The following DYRK1A variants were observed in gnomAD, a reference collection of about 807,000 sequenced individuals.
The protein encoded by DYRK1A is dual specificity tyrosine-phosphorylation-regulated kinase 1A.
DYRK1A carries 9 observed loss-of-function variants against 79.7 expected under a neutral mutation model. The observed-to-expected ratio is 0.11, with a 90% confidence interval of 0.07 to 0.20. The LOEUF (loss-of-function observed/expected upper bound fraction) is 0.20, where lower values mean the gene tolerates loss of function less well. Ranked by LOEUF, DYRK1A falls within the 10% of genes least tolerant of loss-of-function variation. DYRK1A has a pLI of 1.00. For synonymous variants in DYRK1A, 349 were observed against 329.7 expected, an observed-to-expected ratio of 1.06 and a Z score of -0.63; for missense variants, 622 against 956.0, an observed-to-expected ratio of 0.65 and a Z score of 4.61.
At chr21:37,481,343 T>C (rs1340899968) in intron 5 of DYRK1A, 1 of 152,208 alleles carries the variant, frequency 6.6e-6, no homozygotes, top group Non-Finnish European at 1.5e-5. Context: ...TAGTCTCTTG[T>C]ATCAGTCGCA....
chr21:37,492,435 T>A (rs1193326971), intron 7 of DYRK1A, among the ~76,000 whole-genome samples: 1 of 152,166 alleles, frequency 6.6e-6, no homozygotes, highest in Non-Finnish European at 1.5e-5. Context: ...AAGTCTTGGA[T>A]GGAGGTAGAG....
At chr21:37,413,218 A>C (rs766865940) in intron 1 of DYRK1A, among the ~76,000 whole-genome samples, 5 of 152,188 alleles carry the variant, frequency 3.3e-5, no homozygotes, top group Non-Finnish European at 5.9e-5. Context: ...AATGTAAGCT[A>C]TTCATGCAGT....
rs2053965313 is a variant in DYRK1A, at chr21:37,525,995, AC to A, written c.*13465del. On this transcript the variant is annotated 3_prime_UTR_variant, in exon 12 of 12. Transcript: ENST00000647188. ...ATTCAGCCTAAACCACAAGATAAAA[AC>A]AGTGTTTATGTGAAACTCCTACTGT... 6.6e-6 allele frequency: 1 copy of A among 152,240 alleles called. No individual in the cohort carries two copies. The highest frequency in any genetic ancestry group is 2.4e-5 in the African/African-American group (1 of 41,460). 9.4% of individuals were successfully genotyped at this position (152,240 alleles called of 1,614,324 possible). A position where few individuals can be genotyped will look rare whatever the true frequency, so the allele number is the denominator to read the frequency against.
At position 37,523,469 on chromosome 21, in the gene DYRK1A, G is replaced by A. The variant is rs569413654; in HGVS notation, c.*10938G>A. 2 of 152,188 alleles carry A rather than the reference G, an allele frequency of 1.3e-5. No homozygotes were observed. The highest frequency in any genetic ancestry group is 2.9e-5 in the Non-Finnish European group (2 of 68,042). 9.4% of individuals were successfully genotyped at this position (152,188 alleles called of 1,614,324 possible). A position where few individuals can be genotyped will look rare whatever the true frequency, so the allele number is the denominator to read the frequency against. On this transcript the variant is annotated 3_prime_UTR_variant, in exon 12 of 12. Coordinates refer to ENST00000647188, the MANE Select transcript of DYRK1A (RefSeq NM_001347721.2). ...TGTAAATGGAAGAAAAAATAAGAGAGATTCATTATGTTCTAATGACTATGA... is the reference window on the plus strand; with the variant it reads ...TGTAAATGGAAGAAAAAATAAGAGAAATTCATTATGTTCTAATGACTATGA...
intron 3 of DYRK1A, among the ~76,000 whole-genome samples, chr21:37,473,196 C>T (rs555828121): frequency 1.3e-5 from 2 of 152,076 alleles, no homozygotes; most frequent in African/African-American, 4.8e-5. Flanking sequence ...AAGTTAAAAC[C>T]GTTACAGGAA....
In DYRK1A at chr21:37,526,034, C is replaced by T. The variant is rs1228773840; in HGVS notation, c.*13503C>T. ...AAACTCCTACTGTGTTAAGTGATTTCAAGAAGAACTATTGTTTGAATCACA... is the reference window on the plus strand; with the variant it reads ...AAACTCCTACTGTGTTAAGTGATTTTAAGAAGAACTATTGTTTGAATCACA... On this transcript the variant is annotated 3_prime_UTR_variant, in exon 12 of 12. Transcript: ENST00000647188. 1.3e-5 allele frequency: 2 copies of T among 152,200 alleles called. No homozygotes were observed. Among genetic ancestry groups the T allele is most frequent in the African/African-American group, 4.8e-5 (2 of 41,442 alleles). The allele number at this position is 152,200 out of a possible 1,614,324, so 9.4% of individuals were successfully genotyped here.
intron 2 of DYRK1A, among the ~76,000 whole-genome samples, chr21:37,461,376 A>T (rs2051832757): frequency 6.6e-6 from 1 of 152,028 alleles, no homozygotes; most frequent in Non-Finnish European, 1.5e-5. Flanking sequence ...TATGTAATAA[A>T]CTCCACAATG....
chr21:37,468,323 G>C (rs1276015615), intron 2 of DYRK1A, among the ~76,000 whole-genome samples: 1 of 151,642 alleles, frequency 6.6e-6, no homozygotes, highest in Admixed American at 6.6e-5. Context: ...TTCCCAGGCT[G>C]GTCTCAGACT....
intron 1 of DYRK1A, among the ~76,000 whole-genome samples, chr21:37,413,508 A>C (rs1348649641): frequency 6.6e-6 from 1 of 152,170 alleles, no homozygotes; most frequent in African/African-American, 2.4e-5. Flanking sequence ...TTTCCAGTGC[A>C]TTTCTTATAA....
intron 1 of DYRK1A, among the ~76,000 whole-genome samples, chr21:37,390,381 A>C (rs1009288541): frequency 1.3e-5 from 2 of 152,128 alleles, no homozygotes; most frequent in African/African-American, 4.8e-5. Flanking sequence ...ACTGTAGTGC[A>C]TTTTTCCTAC....
intron 1 of DYRK1A, among the ~76,000 whole-genome samples, chr21:37,407,790 C>G (rs2050174706): frequency 6.6e-6 from 1 of 152,158 alleles, no homozygotes; most frequent in South Asian, 2.1e-4. Context: ...GGGGAAGTTG[C>G]TAATGTGTAC....
intron 2 of DYRK1A, among the ~76,000 whole-genome samples, chr21:37,442,508 A>C (rs908905137): frequency 6.6e-6 from 1 of 151,972 alleles, no homozygotes; most frequent in Non-Finnish European, 1.5e-5. Context: ...GTACTATCTA[A>C]CCTTTTATTA....
In DYRK1A at chr21:37,518,724, T is replaced by G. The variant is rs2053905972; in HGVS notation, c.*6193T>G. On this transcript the variant is annotated 3_prime_UTR_variant, in exon 12 of 12. Coordinates refer to ENST00000647188, the MANE Select transcript of DYRK1A (RefSeq NM_001347721.2). ...TCCATTTCCCAGATTCAAGCGATTCTCGTGCCTCAGCCTTTCAAGTAGCTG... is the reference window on the plus strand; with the variant it reads ...TCCATTTCCCAGATTCAAGCGATTCGCGTGCCTCAGCCTTTCAAGTAGCTG... 1 of 151,428 alleles carries G rather than the reference T, an allele frequency of 6.6e-6. No homozygotes were observed. Among genetic ancestry groups the G allele is most frequent in the African/African-American group, 2.4e-5 (1 of 41,126 alleles). 9.4% of individuals were successfully genotyped at this position (151,428 alleles called of 1,614,324 possible).
intron 9 of DYRK1A, among the ~76,000 whole-genome samples, chr21:37,497,444 A>G (rs529549867): frequency 9.9e-5 from 15 of 152,182 alleles, no homozygotes; most frequent in African/African-American, 3.4e-4. Context: ...TTTTTTCTTT[A>G]CCCACATAGC....
intron 11 of DYRK1A, among the ~76,000 whole-genome samples, chr21:37,509,910 G>C (rs555703309): frequency 2.6e-5 from 4 of 152,216 alleles, no homozygotes; most frequent in African/African-American, 9.6e-5. Flanking sequence ...TTTAAATTCT[G>C]TTATGAGTAG....
intron 2 of DYRK1A, among the ~76,000 whole-genome samples, chr21:37,460,259 C>G (rs541727808): frequency 5.9e-5 from 9 of 152,194 alleles, no homozygotes; most frequent in African/African-American, 2.2e-4. Flanking sequence ...TTCCTGTTGA[C>G]ATTTTAAAAA....
intron 2 of DYRK1A, among the ~76,000 whole-genome samples, chr21:37,468,249 C>T (rs1025143520): frequency 1.3e-5 from 2 of 151,970 alleles, no homozygotes; most frequent in African/African-American, 2.4e-5. Context: ...GTAATTGGAA[C>T]TACAGGTGTG....
chr21:37,387,557 A>T (rs2049784583), intron 1 of DYRK1A, among the ~76,000 whole-genome samples: 1 of 152,206 alleles, frequency 6.6e-6, no homozygotes. Flanking sequence ...CATCTTATAG[A>T]GCCTCAATCA....
chr21:37,367,876 G>C (rs1413414286), intron 1 of DYRK1A: 1 of 152,326 alleles, frequency 6.6e-6, no homozygotes, highest in Non-Finnish European at 1.5e-5. Flanking sequence ...CCGGGAGCCG[G>C]GGCCTGGGGG....
Sources: gnomAD v4.1 joint callset for allele counts (sites outside exome capture counted in the v4.1 genomes callset) on GRCh38, gnomAD v4.1.1 for gene constraint, MANE v1.5 for transcripts, NCBI Gene and HGNC (gene_info 2026-07-23, HGNC 2026-07-21) for gene names.